Variants in DHTKD1 observed in about 807,000 individuals in gnomAD.
The protein encoded by DHTKD1 is 2-oxoadipate dehydrogenase complex component E1.
A neutral mutation model predicts 101.8 loss-of-function variants in DHTKD1; 78 were observed. That is an observed-to-expected ratio of 0.77 (90% confidence interval 0.64 to 0.93). The LOEUF is 0.93. Among genes scored for constraint, DHTKD1 ranks in the 40% least tolerant of loss-of-function variants. DHTKD1 has a pLI of 0.00. For missense variants in DHTKD1, 1,223 were observed against 1,161.7 expected, an observed-to-expected ratio of 1.05 and a Z score of -0.77; for synonymous variants, 462 against 450.3, an observed-to-expected ratio of 1.03 and a Z score of -0.33.
intron 1 of DHTKD1, 135 bp downstream of exon 1, chr10:12,069,322 G>A (rs2131342576): frequency 1.3e-6 from 1 of 744,406 alleles, no homozygotes; most frequent in East Asian, 2.9e-5. Flanking sequence ...GGAGGGGGAG[G>A]TGAGGGGAGC....
At chr10:12,085,690 C>T (rs571787733) in intron 3 of DHTKD1, among the ~76,000 whole-genome samples, 1 of 152,038 alleles carries the variant, frequency 6.6e-6, no homozygotes, top group Non-Finnish European at 1.5e-5. Context: ...ACCAGCCAGG[C>T]CAACATGGTG....
At chr10:12,094,331 C>A (rs751924782) in intron 7 of DHTKD1, 60 bp downstream of exon 7, 2 of 1,458,734 alleles carry the variant, frequency 1.4e-6, no homozygotes, top group South Asian at 1.2e-5. Context: ...TATTATTATT[C>A]TTTTGAGATG....
chr10:12,108,080 T>C, intron 12 of DHTKD1, 65 bp downstream of exon 12: 1 of 1,230,010 alleles, frequency 8.1e-7, no homozygotes, highest in Non-Finnish European at 1.2e-6. Context: ...TTCTACCTCC[T>C]GCGGATAGCT....
Position 12,091,720 on chromosome 10 carries a change from C to G in DHTKD1, c.1159+36C>G, listed in dbSNP as rs1433041468. 6.3e-6 allele frequency: 10 copies of G among 1,596,374 alleles called. No homozygotes were observed. The African/African-American group carries it at 1.3e-4, about 22-fold the overall frequency. ...CAGGGAGGAACTGATATTGCTGAAG[C>G]CGACATGGAATTCCTAGGGAAACCT... On this transcript the variant is annotated intron_variant, in intron 6 of 16. Transcript: ENST00000263035.
At position 12,110,897 on chromosome 10, in the gene DHTKD1, A is replaced by G. The variant is rs1024560062; in HGVS notation, c.2155-2003A>G. ...TGCTAAAAATAAAACTAAAAAAATTAGCTGGGTGGGTGGTGGTGCGTGCCC... is the reference window on the plus strand; with the variant it reads ...TGCTAAAAATAAAACTAAAAAAATTGGCTGGGTGGGTGGTGGTGCGTGCCC... On this transcript the variant is annotated intron_variant, in intron 12 of 16. Transcript: ENST00000263035. The surrounding 1 kb of genome is among the most constrained non-coding windows in gnomAD (Gnocchi z 4.9). Among the ~76,000 whole-genome samples, 2 of 151,888 alleles carry G rather than the reference A, an allele frequency of 1.3e-5. No homozygotes were observed. The highest frequency in any genetic ancestry group is 4.8e-5 in the African/African-American group (2 of 41,364).
At chr10:12,076,149 C>T (rs1832724163) in intron 1 of DHTKD1, among the ~76,000 whole-genome samples, 1 of 152,216 alleles carries the variant, frequency 6.6e-6, no homozygotes, top group African/African-American at 2.4e-5. Context: ...AGAGTGAGTG[C>T]ATCAGGCAGC....
intron 1 of DHTKD1, among the ~76,000 whole-genome samples, chr10:12,077,817 C>T (rs537873224): frequency 4.2e-5 from 6 of 142,010 alleles, no homozygotes; most frequent in African/African-American, 1.7e-4. Context: ...GTGTGAGGAA[C>T]GTTCAGAGAG....
intron 1 of DHTKD1, among the ~76,000 whole-genome samples, chr10:12,072,980 C>T (rs930151342): frequency 1.3e-4 from 20 of 152,206 alleles, no homozygotes; most frequent in African/African-American, 4.8e-4. Flanking sequence ...AGGTGATCCA[C>T]CCACCTCGGC....
chr10:12,108,889 C>T (rs2131621533), intron 12 of DHTKD1, among the ~76,000 whole-genome samples: 1 of 152,290 alleles, frequency 6.6e-6, no homozygotes, highest in African/African-American at 2.4e-5. Context: ...CAGTGGCTCA[C>T]ACCTGTAATC....
chr10:12,115,514 T>C (rs1393114409), intron 13 of DHTKD1, among the ~76,000 whole-genome samples: 1 of 152,132 alleles, frequency 6.6e-6, no homozygotes, highest in Non-Finnish European at 1.5e-5. Flanking sequence ...ACTAGGTACC[T>C]TACTTGACTC....
intron 15 of DHTKD1, among the ~76,000 whole-genome samples, chr10:12,119,763 C>T (rs1458301761): frequency 1.3e-5 from 2 of 152,050 alleles, no homozygotes; most frequent in Non-Finnish European, 2.9e-5. Context: ...GAGCAAACCT[C>T]CGTGGCACAC....
chr10:12,120,426 C>G (rs570462917), intron 16 of DHTKD1, 159 bp downstream of exon 16: 5 of 595,140 alleles, frequency 8.4e-6, no homozygotes, highest in Non-Finnish European at 1.5e-5. Context: ...CTCCGCCCCC[C>G]GGGTTCACGC....
In DHTKD1 at chr10:12,113,009, G is replaced by A. The variant is rs780600921; in HGVS notation, c.2264G>A (p.Arg755Gln). Residue 755 changes from arginine (R) to glutamine (Q), a missense_variant, in exon 13 of 17, where the codon CGG becomes CAG. Physicochemically the swap from Arg to Gln is conservative, Grantham distance 43. Transcript: ENST00000263035. ...YFHLLRRQMV[R>Q]NFRKPLIVAS... Reference sequence around the variant, plus strand: ...CACTTGCTTAGGAGACAGATGGTCCGGAACTTCAGAAAACCACTCATTGTT... The same window carrying A: ...CACTTGCTTAGGAGACAGATGGTCCAGAACTTCAGAAAACCACTCATTGTT... 7 of 1,613,594 alleles carry A rather than the reference G, an allele frequency of 4.3e-6. No homozygotes were observed. The South Asian group carries it at 4.4e-5, about 10-fold the overall frequency.
chr10:12,069,249 A>G, intron 1 of DHTKD1, 62 bp downstream of exon 1: 1 of 1,029,104 alleles, frequency 9.7e-7, no homozygotes, highest in Non-Finnish European at 1.2e-6. Context: ...CCCCTGGCCG[A>G]TTTGCGGTGG....
intron 4 of DHTKD1, among the ~76,000 whole-genome samples, chr10:12,088,630 C>T (rs1435027853): frequency 6.6e-6 from 1 of 152,106 alleles, no homozygotes; most frequent in African/African-American, 2.4e-5. Context: ...GTCACCCAGG[C>T]TGGAGTGCAG....
chr10:12,070,379 G>A (rs1234821012), intron 1 of DHTKD1, among the ~76,000 whole-genome samples: 1 of 152,110 alleles, frequency 6.6e-6, no homozygotes, highest in African/African-American at 2.4e-5. Context: ...GATCCCCTTC[G>A]GCATCTGGGC....
In DHTKD1 at chr10:12,095,596, G is replaced by A. The variant is rs371136560; in HGVS notation, c.1358+1325G>A. 1.2e-4 allele frequency among the ~76,000 whole-genome samples: 18 copies of A among 151,914 alleles called. No individual in the cohort carries two copies. In the East Asian group the frequency reaches 2.1e-3, roughly 18 times the overall value. The stretch of plus-strand genomic sequence containing the variant: ...TGGGAGGCCGAGGCGGGCGGATCAC[G>A]AGGTCAGGAGATCGAGACCATCCTG... On this transcript the variant is annotated intron_variant, in intron 7 of 16. Coordinates refer to ENST00000263035, the MANE Select transcript of DHTKD1 (RefSeq NM_018706.7).
intron 1 of DHTKD1, 88 bp downstream of exon 1, chr10:12,069,275 G>T: frequency 1.4e-6 from 1 of 736,076 alleles, no homozygotes; most frequent in Non-Finnish European, 1.9e-6. Flanking sequence ...CGGGGTCGGG[G>T]AACCGGCTGC....
intron 1 of DHTKD1, among the ~76,000 whole-genome samples, chr10:12,080,904 CA>C (rs774032945): frequency 2.3e-3 from 314 of 138,924 alleles, no homozygotes; most frequent in East Asian, 2.1e-3. Flanking sequence ...CCATCTCAAC[CA>C]AAAAAAAAAA....
Sources: allele counts gnomAD v4.1 joint callset (sites outside exome capture counted in the v4.1 genomes callset), GRCh38; gene constraint gnomAD v4.1.1; non-coding constraint Gnocchi (gnomAD v3.1); transcripts MANE v1.5; gene names NCBI Gene and HGNC (gene_info 2026-07-23, HGNC 2026-07-21).